EHBP1: variants seen among roughly 807,000 people sequenced by gnomAD.
EHBP1 encodes EH domain binding protein 1.
Under a neutral mutation model 144.0 loss-of-function variants are expected in EHBP1, and 55 were observed. The ratio of observed to expected loss-of-function variants is 0.38; its 90% CI spans 0.31 to 0.48. EHBP1 has a LOEUF of 0.48. EHBP1 is among the 20% of genes least tolerant of loss of function. The pLI is 0.98. For synonymous variants in EHBP1, 469 were observed against 472.7 expected, an observed-to-expected ratio of 0.99 and a Z score of 0.10; for missense variants, 1,200 against 1,364.2, an observed-to-expected ratio of 0.88 and a Z score of 1.90.
intron 10 of EHBP1, among the ~76,000 whole-genome samples, chr2:62,913,863 G>A (rs2054405152): frequency 6.6e-6 from 1 of 152,108 alleles, no homozygotes; most frequent in African/African-American, 2.4e-5. Flanking sequence ...TTAATTTGTA[G>A]CCTGAACATT....
At chr2:62,737,932 T>G (rs1354808408) in intron 2 of EHBP1, among the ~76,000 whole-genome samples, 1 of 152,084 alleles carries the variant, frequency 6.6e-6, no homozygotes, top group Non-Finnish European at 1.5e-5. Context: ...TCCGGCTAAT[T>G]TTTTAATTTT....
chr2:62,676,141 C>G (rs373317736), intron 1 of EHBP1, among the ~76,000 whole-genome samples: 1 of 83,718 alleles, frequency 1.2e-5, no homozygotes, highest in Non-Finnish European at 2.5e-5. Flanking sequence ...ATGAATCTAT[C>G]CTTAATTAAG....
At chr2:62,707,412 T>C in intron 2 of EHBP1, 117 bp downstream of exon 2, 1 of 711,776 alleles carries the variant, frequency 1.4e-6, no homozygotes, top group Non-Finnish European at 2.5e-6. Flanking sequence ...GTGTAGAAGC[T>C]GGGTGGGGCG....
At chr2:62,832,438 C>CTTTTT (rs202005406) in intron 7 of EHBP1, among the ~76,000 whole-genome samples, 1 of 117,822 alleles carries the variant, frequency 8.5e-6, no homozygotes. Flanking sequence ...TTTCTTTTTT[C>CTTTTT]TTTTTTTTTT....
intron 2 of EHBP1, among the ~76,000 whole-genome samples, chr2:62,729,558 A>G (rs1475619583): frequency 2.4e-5 from 3 of 124,310 alleles, no homozygotes; most frequent in African/African-American, 9.4e-5. Context: ...TATATAATAT[A>G]TAATATAATA....
chr2:62,934,823 A>G lies in EHBP1; in HGVS notation c.1186-7895A>G, dbSNP rs192112776. 2.0e-3 allele frequency among the ~76,000 whole-genome samples: 298 copies of G among 152,294 alleles called. 1 individual carries two copies. Among genetic ancestry groups the G allele is most frequent in the Middle Eastern group, 6.8e-3 (2 of 294 alleles). ...AGTTCACCAAACTGGGGTCAGTTTTACAGTAAATAATGTTGCCTGGAAACA... is the reference window on the plus strand; with the variant it reads ...AGTTCACCAAACTGGGGTCAGTTTTGCAGTAAATAATGTTGCCTGGAAACA... On this transcript the variant is annotated intron_variant, in intron 10 of 22. Transcript: ENST00000431489.
rs547264284 is a variant in EHBP1, at chr2:62,830,280, C to T, written c.495-739C>T. 1.8e-3 allele frequency among the ~76,000 whole-genome samples: 275 copies of T among 151,490 alleles called. 2 individuals are homozygous for T. The highest frequency in any genetic ancestry group is 6.2e-3 in the African/African-American group (256 of 41,230). ...TAATATATATAGCTTGGATTACAGG[C>T]GCATGCCACCACGCCCGGCTAATTT... On this transcript the variant is annotated intron_variant, in intron 6 of 22. Transcript: ENST00000431489.
chr2:62,895,902 C>T (rs1374438211), intron 10 of EHBP1, among the ~76,000 whole-genome samples: 1 of 152,144 alleles, frequency 6.6e-6, no homozygotes, highest in Non-Finnish European at 1.5e-5. Context: ...ATTCCACTTA[C>T]TCAAATTCAA....
intron 19 of EHBP1, among the ~76,000 whole-genome samples, chr2:63,016,920 G>C (rs956737891): frequency 6.6e-6 from 1 of 152,112 alleles, no homozygotes; most frequent in Non-Finnish European, 1.5e-5. Context: ...AGGGCCCATA[G>C]GTCTTTTACT....
At chr2:62,918,791 C>T (rs1255691737) in intron 10 of EHBP1, among the ~76,000 whole-genome samples, 1 of 152,158 alleles carries the variant, frequency 6.6e-6, no homozygotes, top group South Asian at 2.1e-4. Context: ...GGTCTCAAGA[C>T]CTCTTTATGC....
chr2:62,727,556 A>C (rs185318262), intron 2 of EHBP1, among the ~76,000 whole-genome samples: 6 of 152,184 alleles, frequency 3.9e-5, no homozygotes, highest in Non-Finnish European at 8.8e-5. Flanking sequence ...TCCAGATACT[A>C]TATGGTCTTT....
intron 3 of EHBP1, among the ~76,000 whole-genome samples, chr2:62,752,791 A>T (rs985172502): frequency 5.4e-5 from 8 of 147,874 alleles, no homozygotes; most frequent in Non-Finnish European, 1.0e-4. Context: ...CACTTTGTTT[A>T]AAGTGTGTTT....
chr2:63,037,669 A>G (rs1220444534), intron 20 of EHBP1, 35 bp downstream of exon 20: 1 of 1,284,464 alleles, frequency 7.8e-7, no homozygotes, highest in East Asian at 2.5e-5. Context: ...TTTGCCTACA[A>G]CATTGATAAA....
chr2:62,936,954 A>C (rs2153057016), intron 10 of EHBP1, among the ~76,000 whole-genome samples: 1 of 152,332 alleles, frequency 6.6e-6, no homozygotes, highest in South Asian at 2.1e-4. Context: ...AAAATGTGCT[A>C]CAACTTTAGC....
intron 7 of EHBP1, among the ~76,000 whole-genome samples, chr2:62,841,971 C>G (rs192159619): frequency 4.7e-4 from 71 of 152,148 alleles, no homozygotes; most frequent in African/African-American, 1.6e-3. Flanking sequence ...TATGAAGGAG[C>G]CTGCATATTT....
At chr2:62,715,111 A>G (rs2035534013) in intron 2 of EHBP1, among the ~76,000 whole-genome samples, 1 of 151,808 alleles carries the variant, frequency 6.6e-6, no homozygotes, top group Admixed American at 6.6e-5. Flanking sequence ...TTTATGATGT[A>G]TTTCTTTTCT....
At chr2:62,807,796 T>A (rs538373139) in intron 5 of EHBP1, among the ~76,000 whole-genome samples, 1 of 152,322 alleles carries the variant, frequency 6.6e-6, no homozygotes, top group Admixed American at 6.5e-5. Flanking sequence ...GAATTCTAGG[T>A]TGGTAGGCTT....
intron 15 of EHBP1, among the ~76,000 whole-genome samples, chr2:62,980,033 A>G (rs1168163186): frequency 1.3e-5 from 2 of 152,202 alleles, no homozygotes; most frequent in Non-Finnish European, 2.9e-5. Context: ...CTTATCTACT[A>G]AAACATGCCA....
intron 9 of EHBP1, 99 bp downstream of exon 9, chr2:62,865,070 G>A: frequency 1.5e-6 from 2 of 1,334,038 alleles, no homozygotes; most frequent in Non-Finnish European, 2.1e-6. Context: ...AATCATTAAT[G>A]TACACTTTAT....
Sources: gnomAD v4.1 joint callset for allele counts (sites outside exome capture counted in the v4.1 genomes callset) on GRCh38, gnomAD v4.1.1 for gene constraint, MANE v1.5 for transcripts, NCBI Gene and HGNC (gene_info 2026-07-23, HGNC 2026-07-21) for gene names.